The following MAP4 variants were observed in gnomAD, a reference collection of about 807,000 sequenced individuals.
The protein encoded by MAP4 is microtubule associated protein 4, also known as microtubule-associated protein 4.
MAP4 carries 76 observed loss-of-function variants against 170.2 expected under a neutral mutation model. The observed-to-expected ratio is 0.45, with a 90% CI of 0.37 to 0.54. MAP4 has a LOEUF of 0.54. Among genes scored for constraint, MAP4 ranks in the 20% least tolerant of loss-of-function variants. The pLI, the probability that MAP4 is intolerant of heterozygous loss-of-function variation, is 0.00. For synonymous variants in MAP4, 909 were observed against 994.5 expected, an observed-to-expected ratio of 0.91 and a Z score of 1.62; for missense variants, 2,506 against 2,748.0, an observed-to-expected ratio of 0.91 and a Z score of 1.97.
At chr3:47,940,246 G>A (rs534329832) in intron 3 of MAP4, among the ~76,000 whole-genome samples, 25 of 152,096 alleles carry the variant, frequency 1.6e-4, no homozygotes, top group Non-Finnish European at 3.1e-4. Flanking sequence ...CCAGTCCCCC[G>A]CCACCATTAT....
intron 3 of MAP4, among the ~76,000 whole-genome samples, chr3:47,935,524 T>C (rs76831978): frequency 0.043 from 6,615 of 152,174 alleles, 477 homozygotes; most frequent in African/African-American, 0.15. Flanking sequence ...CCCATTCCTC[T>C]ATTTGGTCCT....
rs771820978 is a variant in MAP4 at position 47,869,290 on chromosome 3, G to A, written c.6332C>T (p.Thr2111Ile). ...GACTGCATTAGATTCAGGCTTTCGGGTTGTAGCAGCTGCCTCTGTTTTTTT... is the reference window on the plus strand; with the variant it reads ...GACTGCATTAGATTCAGGCTTTCGGATTGTAGCAGCTGCCTCTGTTTTTTT... Reference protein sequence around the residue: ...VEKKTEAAATTRKPESNAVTK... With the variant: ...VEKKTEAAATIRKPESNAVTK... Residue 2111 changes from threonine (T) to isoleucine (I), a missense_variant, in exon 16 of 21, where the codon ACC (threonine) becomes ATC (isoleucine). Thr to Ile is a moderately conservative substitution (Grantham distance 89, BLOSUM62 -1). Transcript: ENST00000683076. 4 of 1,614,032 alleles carry A rather than the reference G, an allele frequency of 2.5e-6. No individual in the cohort carries two copies. The highest frequency in any genetic ancestry group is 3.4e-6 in the Non-Finnish European group (4 of 1,180,006).
Position 47,886,727 on chromosome 3 carries a change from T to C in MAP4, c.5435-9204A>G, listed in dbSNP as rs554113227. 5.9e-5 allele frequency among the ~76,000 whole-genome samples: 9 copies of C among 152,346 alleles called. No individual in the cohort carries two copies. The South Asian group carries it at 1.9e-3, about 32-fold the overall frequency. On this transcript the variant is annotated intron_variant, in intron 10 of 20. Transcript: ENST00000683076. ...TTCTGTTGGGTCTTTCCATTACCTATACTACCACTGGCTGGGAAAACCAGC... is the reference window on the plus strand; with the variant it reads ...TTCTGTTGGGTCTTTCCATTACCTACACTACCACTGGCTGGGAAAACCAGC...
intron 1 of MAP4, among the ~76,000 whole-genome samples, chr3:48,055,395 G>A (rs1035088453): frequency 7.2e-5 from 11 of 151,988 alleles, no homozygotes; most frequent in Admixed American, 5.9e-4. Flanking sequence ...TGGTGGAGAC[G>A]GGGTTTCGCT....
intron 1 of MAP4, among the ~76,000 whole-genome samples, chr3:48,049,620 T>TA (rs1047275676): frequency 2.7e-5 from 4 of 147,514 alleles, no homozygotes; most frequent in African/African-American, 1.0e-4. Flanking sequence ...CCAGGTCTAC[T>TA]AAAAAAATTG....
rs551705564 is a variant in MAP4 at position 47,951,585 on chromosome 3, C to T, written c.293-23235G>A. On this transcript the variant is annotated intron_variant, in intron 3 of 20. Transcript: ENST00000683076. ...CGGGCTGGTCTCCAGCTCCTAACCGCGAGTGATCCGCCAGCCTTGGCCTCC... is the reference window on the plus strand; with the variant it reads ...CGGGCTGGTCTCCAGCTCCTAACCGTGAGTGATCCGCCAGCCTTGGCCTCC... Among the ~76,000 whole-genome samples, 5 of 152,356 alleles carry T rather than the reference C, an allele frequency of 3.3e-5. No homozygotes were observed. The South Asian group carries it at 6.2e-4, about 19-fold the overall frequency.
rs557092314 is a variant in MAP4 at position 47,954,822 on chromosome 3, TTTG to T, written c.292+23040_292+23042del. On this transcript the variant is annotated intron_variant, in intron 3 of 20. Transcript: ENST00000683076. ...GGACCCCATAGTACAATGGGCCTAC[TTTG>T]TTGTTATCTCCTCAGTTCCTGAATA... Among the ~76,000 whole-genome samples the T allele has an allele frequency of 4.6e-3, 703 of 152,306 alleles. 4 individuals are homozygous for T. The highest frequency in any genetic ancestry group is 8.0e-3 in the Non-Finnish European group (545 of 68,022).
At chr3:47,896,949 G>T (rs1406643414) in intron 10 of MAP4, among the ~76,000 whole-genome samples, 1 of 152,044 alleles carries the variant, frequency 6.6e-6, no homozygotes, top group Non-Finnish European at 1.5e-5. Context: ...TTCCCTAACA[G>T]ACCCCTCATT....
At chr3:47,923,398 G>A (rs2100044091) in intron 4 of MAP4, among the ~76,000 whole-genome samples, 1 of 151,030 alleles carries the variant, frequency 6.6e-6, no homozygotes, top group African/African-American at 2.4e-5. Flanking sequence ...GGCAATATTG[G>A]GAAACTTGTT....
At chr3:48,034,560 T>A (rs2100117825) in intron 1 of MAP4, among the ~76,000 whole-genome samples, 1 of 151,432 alleles carries the variant, frequency 6.6e-6, no homozygotes, top group African/African-American at 2.4e-5. Flanking sequence ...AAAAAAGAGC[T>A]AAGCATTGTG....
chr3:47,965,611 A>G (rs2100074405), intron 3 of MAP4, among the ~76,000 whole-genome samples: 1 of 152,148 alleles, frequency 6.6e-6, no homozygotes. Context: ...GTATGAAGTG[A>G]TATTTCATTG....
In MAP4 at chr3:47,905,479, G is replaced by A. The variant is rs116229345; in HGVS notation, c.5384-2479C>T. 4.4e-3 allele frequency among the ~76,000 whole-genome samples: 671 copies of A among 151,434 alleles called. 5 individuals carry two copies. The highest frequency in any genetic ancestry group is 0.032 in the South Asian group (153 of 4,788). ...TGGGAGATCGATTATAAACATGATG[G>A]TGGGATGACCAAGTAACCCTGCCTC... On this transcript the variant is annotated intron_variant, in intron 9 of 20. Transcript: ENST00000683076.
intron 1 of MAP4, among the ~76,000 whole-genome samples, chr3:48,027,545 A>T (rs1280229425): frequency 6.6e-6 from 1 of 152,234 alleles, no homozygotes; most frequent in African/African-American, 2.4e-5. Context: ...ACAGTTTTAC[A>T]GCTTTTTTAA....
intron 3 of MAP4, among the ~76,000 whole-genome samples, chr3:47,936,431 T>TAA (rs1168313023): frequency 6.8e-6 from 1 of 146,488 alleles, no homozygotes; most frequent in African/African-American, 2.5e-5. Context: ...AACTCTGTCT[T>TAA]AAAAAAAAAG....
At chr3:47,944,774 T>C (rs1378362898) in intron 3 of MAP4, among the ~76,000 whole-genome samples, 2 of 151,740 alleles carry the variant, frequency 1.3e-5, no homozygotes, top group East Asian at 1.9e-4. Context: ...TTTATATATA[T>C]ATCCCCTATA....
Position 47,869,252 on chromosome 3 carries a change from C to T in MAP4, c.6370G>A (p.Gly2124Ser), listed in dbSNP as rs752374244. The change falls in exon 16 of 21, where the codon GGC becomes AGC. Residue 2124 changes from glycine (G) to serine (S), a missense_variant. Gly to Ser is a moderately conservative substitution (Grantham distance 56). Coordinates refer to ENST00000683076, the MANE Select transcript of MAP4 (RefSeq NM_001385682.1). ...PESNAVTKTA[G>S]PIASAQKQPA... ...TGTTTCTGTGCACTTGCAATTGGGC[C>T]GGCTGTTTTAGTGACTGCATTAGAT... 32 of 1,613,966 alleles carry T rather than the reference C, an allele frequency of 2.0e-5. No homozygotes were observed. The Middle Eastern group carries it at 4.9e-4, about 25-fold the overall frequency.
At chr3:47,896,184 G>A (rs376810086) in intron 10 of MAP4, among the ~76,000 whole-genome samples, 66 of 152,326 alleles carry the variant, frequency 4.3e-4, no homozygotes, top group African/African-American at 1.6e-3. Context: ...ATTTGACAAA[G>A]TAGTTAAAAC....
At chr3:47,930,099 C>G (rs953550894) in intron 3 of MAP4, among the ~76,000 whole-genome samples, 2 of 152,010 alleles carry the variant, frequency 1.3e-5, no homozygotes, top group African/African-American at 4.8e-5. Flanking sequence ...CACTGTACTG[C>G]AGCCTGGGGC....
chr3:48,030,923 G>A (rs184044766), intron 1 of MAP4, among the ~76,000 whole-genome samples: 200 of 151,294 alleles, frequency 1.3e-3, no homozygotes, highest in Non-Finnish European at 2.0e-3. Flanking sequence ...AAATGAGAGA[G>A]AATAAGCAAG....
Sources: allele counts gnomAD v4.1 joint callset (sites outside exome capture counted in the v4.1 genomes callset), GRCh38; gene constraint gnomAD v4.1.1; transcripts MANE v1.5; gene names NCBI Gene and HGNC (gene_info 2026-07-23, HGNC 2026-07-21).